CNIH3: variants seen among roughly 807,000 people sequenced by gnomAD.
CNIH3 encodes the protein protein cornichon homolog 3.
CNIH3 carries 14 observed loss-of-function variants against 24.1 expected under a neutral mutation model. The observed-to-expected ratio is 0.58, with a 90% confidence interval of 0.38 to 0.91. The LOEUF (loss-of-function observed/expected upper bound fraction) is 0.91. Ranked by LOEUF, CNIH3 falls within the 40% of genes least tolerant of loss-of-function variation. CNIH3 has a pLI of 0.00. For missense variants in CNIH3, 178 were observed against 196.8 expected (o/e 0.90, Z 0.57); for synonymous variants, 68 against 73.8 (o/e 0.92, Z 0.40).
At chr1:224,454,263 T>G in intron 1 of CNIH3, 1 of 979,756 alleles carries the variant, frequency 1.0e-6, no homozygotes, top group Non-Finnish European at 1.2e-6. Context: ...GTAAGTTTTT[T>G]TTTTTTTTTT....
chr1:224,479,666 G>A (rs1057232734), intron 1 of CNIH3, among the ~76,000 whole-genome samples: 2 of 152,230 alleles, frequency 1.3e-5, no homozygotes. Flanking sequence ...CCCCATGCAA[G>A]TCTGAAATCC....
At chr1:224,461,076 C>G (rs1675893597) in intron 1 of CNIH3, among the ~76,000 whole-genome samples, 1 of 151,286 alleles carries the variant, frequency 6.6e-6, no homozygotes, top group South Asian at 2.1e-4. Flanking sequence ...GAGCTCAGCT[C>G]ACTGCAACCT....
chr1:224,474,528 T>G (rs1408780648), intron 1 of CNIH3, among the ~76,000 whole-genome samples: 4 of 151,894 alleles, frequency 2.6e-5, no homozygotes, highest in Non-Finnish European at 5.9e-5. Context: ...GATATAATGA[T>G]GTATCTTGAA....
At chr1:224,647,749 A>G (rs1684682303) in intron 1 of CNIH3, among the ~76,000 whole-genome samples, 1 of 152,134 alleles carries the variant, frequency 6.6e-6, no homozygotes, top group Non-Finnish European at 1.5e-5. Context: ...GCTGGGAGCC[A>G]GCAGGGCAGA....
At chr1:224,508,620 A>G (rs1678010714) in intron 1 of CNIH3, among the ~76,000 whole-genome samples, 7 of 152,184 alleles carry the variant, frequency 4.6e-5, no homozygotes, top group African/African-American at 1.7e-4. Context: ...TTTCCTAAGC[A>G]TAGCTCTGAT....
intron 1 of CNIH3, among the ~76,000 whole-genome samples, chr1:224,639,377 C>T (rs1218948981): frequency 6.6e-6 from 1 of 152,182 alleles, no homozygotes. Context: ...CTTGTGAGCC[C>T]TCTTAGGGGC....
At chr1:224,538,065 C>T (rs1679361426), downstream of CNIH3, among the ~76,000 whole-genome samples, 1 of 151,946 alleles carries the variant, frequency 6.6e-6, no homozygotes, top group Non-Finnish European at 1.5e-5. Context: ...ATTCTCCTGC[C>T]TCAGCCTCCC....
At chr1:224,565,828 G>A (rs1410691752) in intron 3 of CNIH3, 2 of 152,112 alleles carry the variant, frequency 1.3e-5, no homozygotes, top group African/African-American at 2.4e-5. Flanking sequence ...ATGAGGTAGG[G>A]AATTATGTGT....
At chr1:224,633,743 C>T (rs1379304375) in intron 1 of CNIH3, among the ~76,000 whole-genome samples, 1 of 152,156 alleles carries the variant, frequency 6.6e-6, no homozygotes, top group African/African-American at 2.4e-5. Context: ...GATTATCCCC[C>T]CACCAGGACT....
intron 1 of CNIH3, among the ~76,000 whole-genome samples, chr1:224,505,272 C>T (rs919684757): frequency 1.3e-5 from 2 of 148,552 alleles, no homozygotes; most frequent in African/African-American, 2.5e-5. Flanking sequence ...GCACTGTAGC[C>T]GGGGTGACAA....
rs1675757511 is a variant in CNIH3 at position 224,458,159 on chromosome 1, C to T, written n.203+23297C>T. Among the ~76,000 whole-genome samples, 1 of 152,184 alleles carries T rather than the reference C, an allele frequency of 6.6e-6. No homozygotes were observed. The highest frequency in any genetic ancestry group is 2.1e-4 in the South Asian group (1 of 4,826). The stretch of plus-strand genomic sequence containing the variant: ...GAATGTATTAAGGAGTGACGTACGG[C>T]TGGATTCACTCTGATCTCATTCACT... On this transcript the variant is annotated intron_variant and non_coding_transcript_variant, in intron 1 of 5. Transcript: ENST00000471578. This position sits in a 1 kb window ranked among gnomAD's most constrained non-coding sequence, Gnocchi z 4.3.
At chr1:224,636,595 GA>G (rs1315740585) in intron 1 of CNIH3, among the ~76,000 whole-genome samples, 2 of 152,120 alleles carry the variant, frequency 1.3e-5, no homozygotes, top group African/African-American at 4.8e-5. Context: ...TTCCTTTAAG[GA>G]GCCAAATAAA....
At chr1:224,484,883 A>G (rs985504997) in intron 1 of CNIH3, among the ~76,000 whole-genome samples, 5 of 152,210 alleles carry the variant, frequency 3.3e-5, no homozygotes, top group African/African-American at 1.2e-4. Context: ...TTGAACATAT[A>G]TAATATAGTT....
chr1:224,456,125 C>G (rs529593971), intron 1 of CNIH3, among the ~76,000 whole-genome samples: 2 of 152,182 alleles, frequency 1.3e-5, no homozygotes, highest in African/African-American at 2.4e-5. Flanking sequence ...TGTCAGAAAT[C>G]GTGGAAGTCA....
chr1:224,583,792 G>A (rs772519738), intron 5 of CNIH3, among the ~76,000 whole-genome samples: 1 of 152,202 alleles, frequency 6.6e-6, no homozygotes, highest in Non-Finnish European at 1.5e-5. Flanking sequence ...AATAGAAGGT[G>A]ATTGTAATGG....
chr1:224,710,934 A>G (rs1377445638), intron 3 of CNIH3, among the ~76,000 whole-genome samples: 12 of 152,086 alleles, frequency 7.9e-5, no homozygotes, highest in African/African-American at 2.9e-4. Context: ...TACATGTTTT[A>G]TCTCGCTTAC....
Position 224,575,272 on chromosome 1 carries a change from A to G in CNIH3, n.517-7892A>G, listed in dbSNP as rs1572507504. On this transcript the variant is annotated intron_variant and non_coding_transcript_variant, in intron 4 of 5. Transcript: ENST00000471578. ...ATTGCTGAGAACTTTAAGGTCTTCA[A>G]CTTTGAACTGAACAGCCAGGATATG... 4.3e-6 allele frequency: 5 copies of G among 1,174,068 alleles called. No homozygotes were observed. The Admixed American group carries it at 5.1e-5, about 12-fold the overall frequency. 72.7% of individuals were successfully genotyped at this position (1,174,068 alleles called of 1,614,324 possible). A position where few individuals can be genotyped will look rare whatever the true frequency, so the allele number is the denominator to read the frequency against.
At chr1:224,489,548 C>T (rs1677161688) in intron 1 of CNIH3, among the ~76,000 whole-genome samples, 1 of 152,216 alleles carries the variant, frequency 6.6e-6, no homozygotes, top group Admixed American at 6.5e-5. Context: ...CCACTCCCCT[C>T]CAGCATCTAC....
intron 1 of CNIH3, among the ~76,000 whole-genome samples, chr1:224,652,756 C>T (rs1458932749): frequency 1.3e-5 from 2 of 152,180 alleles, no homozygotes; most frequent in Middle Eastern, 3.2e-3. Flanking sequence ...AAACCAAGCC[C>T]ATGGAAGCAA....
Sources: allele counts gnomAD v4.1 joint callset (sites outside exome capture counted in the v4.1 genomes callset), GRCh38; gene constraint gnomAD v4.1.1; non-coding constraint Gnocchi (gnomAD v3.1); transcripts MANE v1.5; gene names NCBI Gene and HGNC (gene_info 2026-07-23, HGNC 2026-07-21).